The following GPR146 variants were observed in gnomAD, a reference collection of about 807,000 sequenced individuals.
GPR146 encodes G-protein coupled receptor 146.
For synonymous variants in GPR146, 203 were observed against 104.3 expected (o/e 1.95, Z -5.77); for missense variants, 381 against 213.9 (o/e 1.78, Z -4.87).
intron 1 of GPR146, among the ~76,000 whole-genome samples, chr7:1,047,465 T>G (rs954078121): frequency 2.2e-4 from 33 of 152,278 alleles, no homozygotes; most frequent in Non-Finnish European, 1.5e-4. Context: ...TAGGAATCAG[T>G]GTGCGTAAGC....
chr7:1,058,466 G>A lies in GPR146; in HGVS notation c.951G>A (p.Gly317=), dbSNP rs772780198. 3.8e-6 allele frequency: 3 copies of A among 780,276 alleles called. No homozygotes were observed. The highest frequency in any genetic ancestry group is 1.7e-5 in the African/African-American group (1 of 59,136). 48.3% of individuals were successfully genotyped at this position (780,276 alleles called of 1,614,324 possible). A position where few individuals can be genotyped will look rare whatever the true frequency, so the allele number is the denominator to read the frequency against. The change falls in exon 2 of 2, where the codon GGG becomes GGA. Residue 317 remains glycine, a synonymous_variant. Transcript: ENST00000444847. ...GGCTGATGAAAAAGCTGCCCTGCGG[G>A]GACCGGCACTGCTCCCCGGACCACA... The part of the protein sequence containing the change: ...LQRLMKKLPC[G]DRHCSPDHMG...
intron 1 of GPR146, among the ~76,000 whole-genome samples, chr7:1,053,199 G>A (rs1783313838): frequency 6.6e-6 from 1 of 151,760 alleles, no homozygotes; most frequent in African/African-American, 2.4e-5. Flanking sequence ...GCAAGGAGTC[G>A]AAGGCTCCAC....
intron 1 of GPR146, among the ~76,000 whole-genome samples, chr7:1,053,304 C>T (rs550476528): frequency 3.2e-4 from 48 of 152,364 alleles, no homozygotes; most frequent in African/African-American, 1.1e-3. Context: ...GCAGGTGTGG[C>T]GACGGCGGGG....
intron 1 of GPR146, among the ~76,000 whole-genome samples, chr7:1,048,858 T>C (rs74785791): frequency 0.11 from 16,294 of 152,236 alleles, 1,158 homozygotes; most frequent in Middle Eastern, 0.2. Flanking sequence ...GTTCTCCTTC[T>C]CAGTCCCATG....
chr7:1,057,986 G>A lies in GPR146; in HGVS notation c.471G>A (p.Leu157=), dbSNP rs201670614. The A allele has an allele frequency of 3.8e-5, 29 of 770,576 alleles. No homozygotes were observed. The highest frequency in any genetic ancestry group is 6.7e-5 in the Non-Finnish European group (28 of 417,924). 47.7% of individuals were successfully genotyped at this position (770,576 alleles called of 1,614,324 possible). A position where few individuals can be genotyped will look rare whatever the true frequency, so the allele number is the denominator to read the frequency against. Residue 157 remains leucine, a synonymous_variant, in exon 2 of 2, where the codon CTG becomes CTA. Transcript: ENST00000444847. ...GCTTCGTGTGGGGTGGCGCGCTGCT[G>A]ACCAGCTTCTCCTCGCTGCTCTTCT... ...VCGFVWGGAL[L]TSFSSLLFYI... is the part of the protein sequence containing the mutation.
At chr7:1,054,206 T>C (rs1488831235) in intron 1 of GPR146, among the ~76,000 whole-genome samples, 3 of 152,172 alleles carry the variant, frequency 2.0e-5, no homozygotes, top group African/African-American at 4.8e-5. Flanking sequence ...AGGGAGAATG[T>C]TGGGGCCAAC....
intron 1 of GPR146, among the ~76,000 whole-genome samples, chr7:1,048,565 G>T (rs1461179953): frequency 6.6e-6 from 1 of 152,052 alleles, no homozygotes; most frequent in Admixed American, 6.6e-5. Flanking sequence ...CATTTCTATT[G>T]GGAAACCCTA....
chr7:1,058,748 C>T lies in GPR146; in HGVS notation c.*231C>T, dbSNP rs918676511. The stretch of plus-strand genomic sequence containing the variant: ...CCGAGGCCTGTGCGTCTCCCAAACA[C>T]GCAGCTCAAGGTCCACATCCGCAAA... On this transcript the variant is annotated 3_prime_UTR_variant, in exon 2 of 2. Transcript: ENST00000444847. 32 of 564,298 alleles carry T rather than the reference C, an allele frequency of 5.7e-5. 2 individuals are homozygous for T. The highest frequency in any genetic ancestry group is 4.1e-4 in the South Asian group (17 of 41,326). 35.0% of individuals were successfully genotyped at this position (564,298 alleles called of 1,614,324 possible). A position where few individuals can be genotyped will look rare whatever the true frequency, so the allele number is the denominator to read the frequency against.
At chr7:1,050,216 G>A (rs1396454569) in intron 1 of GPR146, among the ~76,000 whole-genome samples, 1 of 152,200 alleles carries the variant, frequency 6.6e-6, no homozygotes, top group Non-Finnish European at 1.5e-5. Context: ...CCTGTGGGCA[G>A]TGACTCCTCA....
At chr7:1,053,342 C>A (rs553578049) in intron 1 of GPR146, among the ~76,000 whole-genome samples, 1 of 152,210 alleles carries the variant, frequency 6.6e-6, no homozygotes, top group African/African-American at 2.4e-5. Context: ...GAGCCCAGAA[C>A]CTTGCGCAGG....
chr7:1,048,443 C>T (rs2128194160), intron 1 of GPR146, among the ~76,000 whole-genome samples: 1 of 152,272 alleles, frequency 6.6e-6, no homozygotes, highest in Admixed American at 6.5e-5. Flanking sequence ...CTCTCTCACA[C>T]ACACATACAG....
In GPR146 at chr7:1,058,082, C is replaced by T. The variant is rs1478907741; in HGVS notation, c.567C>T (p.Ala189=). The T allele has an allele frequency of 1.3e-6, 1 of 766,868 alleles. No individual in the cohort carries two copies. The highest frequency in any genetic ancestry group is 1.7e-5 in the Admixed American group (1 of 58,992). 47.5% of individuals were successfully genotyped at this position (766,868 alleles called of 1,614,324 possible). A position where few individuals can be genotyped will look rare whatever the true frequency, so the allele number is the denominator to read the frequency against. Residue 189 remains alanine (A), a synonymous_variant, in exon 2 of 2, where the codon GCC becomes GCT. Transcript: ENST00000444847. ...AKMQNAEAAD[A]TLVFIGYVVP... is the part of the protein sequence containing the mutation. Reference sequence around the variant, plus strand: ...TGCAGAACGCAGAAGCTGCCGACGCCACGCTGGTGTTCATCGGCTACGTGG... The same window carrying T: ...TGCAGAACGCAGAAGCTGCCGACGCTACGCTGGTGTTCATCGGCTACGTGG...
rs1037409210 is a variant in GPR146 at position 1,058,349 on chromosome 7, G to A, written c.834G>A (p.Lys278=). ...ACCTGGGGCTACTGCACTTTGTGAA[G>A]GATTTCTCCAAACTCCTGGCCTTCT... ...AHYLGLLHFV[K]DFSKLLAFSS... The change falls in exon 2 of 2, where the codon AAG becomes AAA. Residue 278 remains lysine, a synonymous_variant. Coordinates refer to ENST00000444847, the MANE Select transcript of GPR146 (RefSeq NM_001303473.2). 2.6e-6 allele frequency: 2 copies of A among 779,330 alleles called. No homozygotes were observed. Among genetic ancestry groups the A allele is most frequent in the Non-Finnish European group, 2.4e-6 (1 of 418,124 alleles). 48.3% of individuals were successfully genotyped at this position (779,330 alleles called of 1,614,324 possible).
intron 1 of GPR146, among the ~76,000 whole-genome samples, chr7:1,054,820 G>GCTCCC (rs1416117380): frequency 2.0e-5 from 3 of 152,236 alleles, no homozygotes; most frequent in Non-Finnish European, 4.4e-5. Flanking sequence ...AGATGCACGT[G>GCTCCC]CTCCCCTCTC....
chr7:1,058,581 G>T lies in GPR146; in HGVS notation c.*64G>T. 1.5e-6 allele frequency: 1 copy of T among 689,614 alleles called. No homozygotes were observed. Among genetic ancestry groups the T allele is most frequent in the Non-Finnish European group, 2.7e-6 (1 of 373,896 alleles). 42.7% of individuals were successfully genotyped at this position (689,614 alleles called of 1,614,324 possible). On this transcript the variant is annotated 3_prime_UTR_variant, in exon 2 of 2. Coordinates refer to ENST00000444847, the MANE Select transcript of GPR146 (RefSeq NM_001303473.2). ...CGCAGAGCACTTAGTTACCCTGGAC[G>T]CTCCCCACATCCTTCCAGAAGGAGA... is the stretch of plus-strand genomic sequence containing the variant.
chr7:1,047,448 G>A (rs2128193244), intron 1 of GPR146, among the ~76,000 whole-genome samples: 1 of 152,360 alleles, frequency 6.6e-6, no homozygotes, highest in South Asian at 2.1e-4. Flanking sequence ...GCCCAGGAAG[G>A]CACAGATAGG....
chr7:1,044,636 G>A lies in GPR146; in HGVS notation c.-47G>A, dbSNP rs1486911895. 1 of 151,718 alleles carries A rather than the reference G, an allele frequency of 6.6e-6. No individual in the cohort carries two copies. The highest frequency in any genetic ancestry group is 1.5e-5 in the Non-Finnish European group (1 of 67,890). 9.4% of individuals were successfully genotyped at this position (151,718 alleles called of 1,614,324 possible). A position where few individuals can be genotyped will look rare whatever the true frequency, so the allele number is the denominator to read the frequency against. On this transcript the variant is annotated 5_prime_UTR_variant, in exon 1 of 2. Coordinates refer to ENST00000444847, the MANE Select transcript of GPR146 (RefSeq NM_001303473.2). ...GAGCTGCCCGCCCGGCGGCGACTGC[G>A]CCGGCCGCCGCCCAGCAAGCCGGTG...
At chr7:1,048,051 G>A (rs1286252570) in intron 1 of GPR146, among the ~76,000 whole-genome samples, 2 of 152,184 alleles carry the variant, frequency 1.3e-5, no homozygotes, top group African/African-American at 2.4e-5. Context: ...AAAGACTGGC[G>A]GAGGGGTGTG....
chr7:1,055,457 C>T (rs2128202193), intron 1 of GPR146: 1 of 462,672 alleles, frequency 2.2e-6, no homozygotes, highest in Non-Finnish European at 4.4e-6. Flanking sequence ...GCCCACAGCA[C>T]CAAGAGGCTT....
Sources: gnomAD v4.1 joint callset for allele counts (sites outside exome capture counted in the v4.1 genomes callset) on GRCh38, gnomAD v4.1.1 for gene constraint, MANE v1.5 for transcripts, NCBI Gene and HGNC (gene_info 2026-07-23, HGNC 2026-07-21) for gene names.